Variants in SHISA9 observed in about 807,000 individuals in gnomAD.
SHISA9 encodes shisa family member 9.
Under a neutral mutation model 38.0 loss-of-function variants are expected in SHISA9, and 13 were observed. The observed-to-expected ratio is 0.34, with a 90% CI of 0.22 to 0.54. The LOEUF is 0.54. Ranked by LOEUF, SHISA9 falls within the 20% of genes least tolerant of loss-of-function variation. The pLI is 0.91. For synonymous variants in SHISA9, 275 were observed against 242.0 expected (o/e 1.14, Z -1.27); for missense variants, 538 against 575.8 (o/e 0.93, Z 0.67).
the SHISA9 span, among the ~76,000 whole-genome samples, chr16:13,339,764 C>A: frequency 7.2e-5 from 11 of 152,124 alleles, no homozygotes; most frequent in Admixed American, 7.2e-4. Flanking sequence ...TGTTGAGTAA[C>A]CTGCTCAAAC....
the SHISA9 span, among the ~76,000 whole-genome samples, chr16:13,375,107 C>A: frequency 6.6e-6 from 1 of 152,054 alleles, no homozygotes; most frequent in Non-Finnish European, 1.5e-5. Context: ...AAAATTTTCT[C>A]CCATTCTGTA....
chr16:13,087,078 C>G (rs1005097968), intron 2 of SHISA9, among the ~76,000 whole-genome samples: 2 of 148,998 alleles, frequency 1.3e-5, no homozygotes, highest in African/African-American at 5.0e-5. Flanking sequence ...GTTTTCTGTC[C>G]TTGTGATAGT....
chr16:13,349,716 T>G, the SHISA9 span, among the ~76,000 whole-genome samples: 1 of 152,236 alleles, frequency 6.6e-6, no homozygotes, highest in Non-Finnish European at 1.5e-5. Flanking sequence ...AAGGTGCTAT[T>G]AAATCAGTGA....
chr16:13,470,173 G>A, the SHISA9 span, among the ~76,000 whole-genome samples: 1 of 152,154 alleles, frequency 6.6e-6, no homozygotes, highest in Non-Finnish European at 1.5e-5. Flanking sequence ...GATTTGAAAA[G>A]AAAATAAGAG....
intron 2 of SHISA9, among the ~76,000 whole-genome samples, chr16:13,003,711 A>G (rs1394434968): frequency 6.6e-6 from 1 of 152,156 alleles, no homozygotes; most frequent in African/African-American, 2.4e-5. Context: ...TACAAAGATT[A>G]GCCGGGCATG....
At chr16:13,134,875 C>G (rs539371478) in intron 2 of SHISA9, among the ~76,000 whole-genome samples, 2 of 152,192 alleles carry the variant, frequency 1.3e-5, no homozygotes, top group East Asian at 3.9e-4. Context: ...GCTGAAGGAG[C>G]CACCCCTTCA....
At chr16:13,347,483 G>A in the SHISA9 span, among the ~76,000 whole-genome samples, 13,424 of 152,180 alleles carry the variant, frequency 0.088, 705 homozygotes, top group South Asian at 0.21. Flanking sequence ...GCACTTACAT[G>A]TCTTCCTTTT....
chr16:13,220,431 G>C (rs1469651851), intron 4 of SHISA9, among the ~76,000 whole-genome samples: 3 of 152,214 alleles, frequency 2.0e-5, no homozygotes, highest in East Asian at 3.9e-4. Context: ...ACACGGAACA[G>C]AGTGTAGAGA....
chr16:13,434,482 A>G, the SHISA9 span, among the ~76,000 whole-genome samples: 1 of 137,552 alleles, frequency 7.3e-6, no homozygotes, highest in African/African-American at 2.7e-5. Context: ...CAGTGGCGCG[A>G]TCTCGGCTCA....
At chr16:13,478,686 C>T in the SHISA9 span, among the ~76,000 whole-genome samples, 1 of 152,214 alleles carries the variant, frequency 6.6e-6, no homozygotes, top group Admixed American at 6.5e-5. Flanking sequence ...TTTTGAAAAA[C>T]AACAGATCTT....
chr16:13,423,564 A>T, the SHISA9 span, among the ~76,000 whole-genome samples: 2 of 152,126 alleles, frequency 1.3e-5, no homozygotes, highest in East Asian at 3.9e-4. Flanking sequence ...AAAACAACTC[A>T]TTTCCCCTGT....
chr16:12,977,361 A>G (rs1206015307), intron 2 of SHISA9, among the ~76,000 whole-genome samples: 1 of 152,094 alleles, frequency 6.6e-6, no homozygotes, highest in East Asian at 1.9e-4. Context: ...CATTTGAGCA[A>G]TGTTGTAAAG....
the SHISA9 span, among the ~76,000 whole-genome samples, chr16:13,453,598 C>G: frequency 2.0e-5 from 3 of 152,236 alleles, no homozygotes; most frequent in African/African-American, 7.2e-5. Flanking sequence ...AGCCAGCCCC[C>G]AGACAACCCT....
At chr16:13,066,569 G>T (rs2073437311) in intron 2 of SHISA9, among the ~76,000 whole-genome samples, 1 of 152,162 alleles carries the variant, frequency 6.6e-6, no homozygotes, top group Admixed American at 6.5e-5. Flanking sequence ...ATTGATAATG[G>T]GGTTAATGCG....
the SHISA9 span, among the ~76,000 whole-genome samples, chr16:13,529,414 T>C: frequency 1.3e-5 from 2 of 152,178 alleles, no homozygotes; most frequent in African/African-American, 4.8e-5. Flanking sequence ...CATTTGCAAA[T>C]TAAAGGACCT....
chr16:12,951,653 C>G (rs970417757), intron 2 of SHISA9, among the ~76,000 whole-genome samples: 3 of 152,094 alleles, frequency 2.0e-5, no homozygotes, highest in Admixed American at 2.0e-4. Flanking sequence ...GTGCACCTGC[C>G]TGGTAAAAGG....
intron 2 of SHISA9, among the ~76,000 whole-genome samples, chr16:12,987,643 G>C (rs2141829162): frequency 1.3e-5 from 2 of 152,216 alleles, no homozygotes; most frequent in East Asian, 3.9e-4. Flanking sequence ...ATGCATGTGG[G>C]GCTTAATACC....
chr16:13,497,135 T>C, the SHISA9 span, among the ~76,000 whole-genome samples: 11 of 152,232 alleles, frequency 7.2e-5, no homozygotes, highest in Non-Finnish European at 1.5e-4. Context: ...TTGTTATTCA[T>C]CTTTTTTTAA....
intron 2 of SHISA9, among the ~76,000 whole-genome samples, chr16:13,088,058 G>A (rs1306083683): frequency 6.6e-6 from 1 of 152,166 alleles, no homozygotes; most frequent in African/African-American, 2.4e-5. Flanking sequence ...AGTTTTCGCA[G>A]TATCATTTAT....
Sources: gnomAD v4.1 joint callset for allele counts (sites outside exome capture counted in the v4.1 genomes callset) on GRCh38, gnomAD v4.1.1 for gene constraint, MANE v1.5 for transcripts, NCBI Gene and HGNC (gene_info 2026-07-23, HGNC 2026-07-21) for gene names.